LRRC37B: variants seen among roughly 807,000 people sequenced by gnomAD.
LRRC37B encodes leucine-rich repeat-containing protein 37B.
A neutral mutation model predicts 98.3 loss-of-function variants in LRRC37B; 28 were observed. That is an observed-to-expected ratio of 0.28 (90% CI 0.21 to 0.39). LRRC37B has a LOEUF of 0.39. Ranked by LOEUF, LRRC37B falls within the 10% of genes least tolerant of loss-of-function variation. The probability of loss-of-function intolerance (pLI) is 1.00; values close to 1 mark genes in which losing one functional copy is unlikely to be tolerated. For missense variants in LRRC37B, 938 were observed against 1,182.7 expected, an observed-to-expected ratio of 0.79 and a Z score of 3.03; for synonymous variants, 364 against 442.7, an observed-to-expected ratio of 0.82 and a Z score of 2.23.
At chr17:32,027,397 G>C (rs1376771905) in intron 2 of LRRC37B, among the ~76,000 whole-genome samples, 1 of 151,682 alleles carries the variant, frequency 6.6e-6, no homozygotes, top group Non-Finnish European at 1.5e-5. Flanking sequence ...GCTTGCATGT[G>C]TGTGTGTGCT....
exon 1 of LRRC37B, chr17:32,021,231 G>T (rs913293639): frequency 6.2e-7 from 1 of 1,612,632 alleles, no homozygotes; most frequent in Non-Finnish European, 8.5e-7. Flanking sequence ...TCAGCCTCTG[G>T]TGTGGGTCAA....
At chr17:32,033,622 AAAT>A (rs1911167321) in intron 5 of LRRC37B, among the ~76,000 whole-genome samples, 1 of 152,170 alleles carries the variant, frequency 6.6e-6, no homozygotes, top group Non-Finnish European at 1.5e-5. Context: ...ATGAAATGTG[AAAT>A]GCTGATCACA....
At chr17:32,023,783 T>A (rs539787) in intron 1 of LRRC37B, among the ~76,000 whole-genome samples, 153 of 151,214 alleles carry the variant, frequency 1.0e-3, no homozygotes, top group Middle Eastern at 3.4e-3. Flanking sequence ...TCATTTTGTG[T>A]CAAACCCAGG....
At chr17:32,007,759 G>A (rs1567845311), upstream of LRRC37B, 6 of 1,192,756 alleles carry the variant, frequency 5.0e-6, no homozygotes, top group Admixed American at 1.3e-4. The surrounding 1 kb of genome is among the most constrained non-coding windows in gnomAD (Gnocchi z 4.1). Flanking sequence ...GTGGGCAGCC[G>A]CCAGGCTGAG....
chr17:32,019,904 G>A (rs1910724000), upstream of LRRC37B, among the ~76,000 whole-genome samples: 1 of 152,050 alleles, frequency 6.6e-6, no homozygotes, highest in Admixed American at 6.5e-5. Context: ...CAGGCTGGAG[G>A]GCAATGTTGC....
At chr17:32,047,516 A>G (rs1245281573) in intron 8 of LRRC37B, 2 of 533,032 alleles carry the variant, frequency 3.8e-6, no homozygotes, top group Non-Finnish European at 6.7e-6. Context: ...GATCAACGGA[A>G]TAATCCTAAG....
rs563214028 is a variant in LRRC37B at position 32,029,158 on chromosome 17, T to C, written c.1904+1318T>C. ...CTGCAACTACAGGCACACGCCGCCA[T>C]GCCCAGCTAATTTATTGTATTTTTA... On this transcript the variant is annotated intron_variant, in intron 3 of 11. Coordinates refer to ENST00000327564, the Ensembl canonical transcript of LRRC37B. Among the ~76,000 whole-genome samples the C allele has an allele frequency of 6.9e-3, 1,043 of 151,514 alleles. 18 individuals are homozygous for C. Among genetic ancestry groups the C allele is most frequent in the African/African-American group, 0.022 (889 of 41,228 alleles).
intron 9 of LRRC37B, 90 bp downstream of exon 12, chr17:32,047,991 G>A: frequency 1.2e-6 from 2 of 1,605,302 alleles, no homozygotes; most frequent in Non-Finnish European, 1.7e-6. Flanking sequence ...TCTAGGTGCA[G>A]AATCAATATT....
chr17:32,051,046 C>A (rs1363643186), intron 11 of LRRC37B: 2 of 152,528 alleles, frequency 1.3e-5, no homozygotes, highest in African/African-American at 4.8e-5. Flanking sequence ...GCCACAGCAG[C>A]CCCTCAGCGT....
At chr17:32,012,736 G>A (rs1211012555) in intron 1 of LRRC37B, among the ~76,000 whole-genome samples, 1 of 151,400 alleles carries the variant, frequency 6.6e-6, no homozygotes, top group Non-Finnish European at 1.5e-5. Flanking sequence ...ATACATACAG[G>A]CCAGGTGCGG....
intron 8 of LRRC37B, 136 bp downstream of exon 11, chr17:32,045,954 A>C: frequency 1.0e-6 from 1 of 970,158 alleles, no homozygotes; most frequent in Non-Finnish European, 1.5e-6. Flanking sequence ...AACTCCCTCA[A>C]CTTCTGAATG....
chr17:32,021,074 C>T (rs565519832), exon 1 of LRRC37B: 42 of 1,612,288 alleles, frequency 2.6e-5, no homozygotes, highest in Admixed American at 2.4e-4. Flanking sequence ...GCATGGCACA[C>T]GCTTATAAGG....
intron 7 of LRRC37B, chr17:32,040,756 G>A: frequency 1.2e-6 from 1 of 818,604 alleles, no homozygotes. Flanking sequence ...TCCAACTTCA[G>A]TGACGCACTG....
chr17:32,034,985 A>T lies in LRRC37B; in HGVS notation c.2129+4A>T. The T allele has an allele frequency of 2.6e-6, 4 of 1,562,186 alleles. No individual in the cohort carries two copies. The highest frequency in any genetic ancestry group is 2.6e-6 in the Non-Finnish European group (3 of 1,135,674). On this transcript the variant is annotated splice_donor_region_variant and intron_variant, in intron 6 of 11. Coordinates refer to ENST00000327564, the Ensembl canonical transcript of LRRC37B. ...AACTGCCGGCATTAAAATATCTGTAAGTACTATAGTACTCTCATGAGTCAT... is the reference window on the plus strand; with the variant it reads ...AACTGCCGGCATTAAAATATCTGTATGTACTATAGTACTCTCATGAGTCAT...
rs747786384 is a variant in LRRC37B at position 32,049,091 on chromosome 17, C to G, written c.2465-11C>G. ...CCAAAAGCTTCAATTACCCATTGCT[C>G]TCGTCCCCAGGTGATCAGCTTGAAA... On this transcript the variant is annotated splice_polypyrimidine_tract_variant and intron_variant, in intron 9 of 11. Transcript: ENST00000327564. 35 of 1,613,594 alleles carry G rather than the reference C, an allele frequency of 2.2e-5. No homozygotes were observed. Among genetic ancestry groups the G allele is most frequent in the Non-Finnish European group, 2.6e-5 (31 of 1,179,836 alleles).
intron 1 of LRRC37B, among the ~76,000 whole-genome samples, chr17:32,014,354 C>T (rs1910603569): frequency 6.6e-6 from 1 of 152,122 alleles, no homozygotes; most frequent in Admixed American, 6.5e-5. Flanking sequence ...TGCAGAACAT[C>T]TTTAAAGTAC....
At chr17:32,052,887 G>A (rs1911797705) in intron 11 of LRRC37B, 1 of 168,572 alleles carries the variant, frequency 5.9e-6, no homozygotes. Flanking sequence ...TGCGGCTGCT[G>A]TGAGCTGTGA....
At chr17:32,038,041 G>C (rs530818871) in intron 7 of LRRC37B, among the ~76,000 whole-genome samples, 1 of 151,806 alleles carries the variant, frequency 6.6e-6, no homozygotes, top group South Asian at 2.1e-4. Context: ...GCAGGAGAAT[G>C]GCGTTATCCC....
intron 6 of LRRC37B, 141 bp downstream of exon 9, chr17:32,035,122 G>A (rs1321107721): frequency 1.8e-5 from 12 of 652,256 alleles, no homozygotes; most frequent in Non-Finnish European, 3.1e-5. Flanking sequence ...TATTGGCAAA[G>A]AAAAGGATTA....
Sources: gnomAD v4.1 joint callset for allele counts (sites outside exome capture counted in the v4.1 genomes callset) on GRCh38, gnomAD v4.1.1 for gene constraint, Gnocchi (gnomAD v3.1) non-coding constraint, MANE v1.5 for transcripts, NCBI Gene and HGNC (gene_info 2026-07-23, HGNC 2026-07-21) for gene names.